The following MAP3K9 variants were observed in gnomAD, a reference collection of about 807,000 sequenced individuals.
MAP3K9 encodes mixed lineage kinase 1 (tyr and ser/thr specificity).
Under a neutral mutation model 95.8 loss-of-function variants are expected in MAP3K9, and 46 were observed. The ratio of observed to expected loss-of-function variants is 0.48; its 90% CI spans 0.38 to 0.61. The LOEUF (loss-of-function observed/expected upper bound fraction) is 0.61, where lower values mean the gene tolerates loss of function less well. Ranked by LOEUF, MAP3K9 falls within the 20% of genes least tolerant of loss-of-function variation. MAP3K9 has a pLI of 0.00. For missense variants in MAP3K9, 1,296 were observed against 1,474.3 expected (o/e 0.88, Z 1.98); for synonymous variants, 533 against 593.8 (o/e 0.90, Z 1.49).
At position 70,742,379 on chromosome 14, in the gene MAP3K9, C is replaced by A; in HGVS notation, c.1539G>T (p.Lys513Asn). The A allele has an allele frequency of 6.2e-7, 1 of 1,614,202 alleles. No individual in the cohort carries two copies. Among genetic ancestry groups the A allele is most frequent in the Non-Finnish European group, 8.5e-7 (1 of 1,180,022 alleles). ...AAGGGAGGCTGATGCGGTTGCCATC[C>A]TTGAGCTTCAGCCGGCTCTTCCTGA... The part of the protein sequence containing the change: ...GKFRKSRLKL[K>N]DGNRISLPSD... Residue 513 changes from lysine (K) to asparagine (N), a missense_variant, in exon 6 of 12, where the codon AAG becomes AAT. Transcript: ENST00000554752.
At chr14:70,793,881 C>T (rs1398313689) in intron 2 of MAP3K9, among the ~76,000 whole-genome samples, 1 of 152,184 alleles carries the variant, frequency 6.6e-6, no homozygotes, top group Non-Finnish European at 1.5e-5. Context: ...GAATGCCTAC[C>T]AGTGCTTTAA....
At position 70,732,583 on chromosome 14, in the gene MAP3K9, C is replaced by A. The variant is rs1044774428; in HGVS notation, c.2786G>T (p.Ser929Ile). 4 of 1,601,504 alleles carry A rather than the reference C, an allele frequency of 2.5e-6. No individual in the cohort carries two copies. Among genetic ancestry groups the A allele is most frequent in the Non-Finnish European group, 3.4e-6 (4 of 1,173,052 alleles). ...CAACCCATTGCTGGAGGGGCTCCTG[C>A]TGGCTAGGAGAGTCTCTGGCTTAAG... ...GALKPETLLA[S>I]RSPSSNGLSP... is the part of the protein sequence containing the mutation. Residue 929 changes from serine (S) to isoleucine (I), a missense_variant, in exon 11 of 12, where the codon AGC becomes ATC. Physicochemically the swap from Ser to Ile is moderately radical, Grantham distance 142. Transcript: ENST00000554752.
intron 2 of MAP3K9, among the ~76,000 whole-genome samples, chr14:70,797,077 A>G (rs536067018): frequency 5.3e-4 from 81 of 152,348 alleles, no homozygotes; most frequent in Non-Finnish European, 8.8e-4. Context: ...AAACATTTTA[A>G]TAAGACACTT....
Position 70,807,298 on chromosome 14 carries a change from T to G in MAP3K9, c.406+1468A>C, listed in dbSNP as rs550009609. 1.2e-3 allele frequency among the ~76,000 whole-genome samples: 176 copies of G among 152,268 alleles called. 1 individual carries two copies. The highest frequency in any genetic ancestry group is 3.8e-3 in the African/African-American group (159 of 41,564). On this transcript the variant is annotated intron_variant, in intron 1 of 11. Transcript: ENST00000554752. ...TTGAGGTCAGGAGTTCGAGACCAGT[T>G]TGGCCAATATGGTGAACCTCATCTC... is the stretch of plus-strand genomic sequence containing the variant.
chr14:70,764,415 A>C (rs2054420491), intron 2 of MAP3K9, among the ~76,000 whole-genome samples: 1 of 150,392 alleles, frequency 6.6e-6, no homozygotes. Flanking sequence ...AAAAAGTTTA[A>C]AATGTAAAAA....
rs563725068 is a variant in MAP3K9, at chr14:70,723,781, C to G, written c.*6599G>C. ...GAATCACTAGGACAGCACCGCCCCC[C>G]ACGTGGAAAAAAATTAATGATTTCT... On this transcript the variant is annotated 3_prime_UTR_variant, in exon 12 of 12. Transcript: ENST00000554752. 2 of 152,086 alleles carry G rather than the reference C, an allele frequency of 1.3e-5. No homozygotes were observed. Among genetic ancestry groups the G allele is most frequent in the Non-Finnish European group, 2.9e-5 (2 of 68,026 alleles). The allele number at this position is 152,086 out of a possible 1,614,324, so 9.4% of individuals were successfully genotyped here.
chr14:70,779,324 A>C (rs35438375), intron 2 of MAP3K9, among the ~76,000 whole-genome samples: 78,321 of 152,106 alleles, frequency 0.51, 20,242 homozygotes, highest in South Asian at 0.63. Flanking sequence ...ATTAAACTGA[A>C]AAAGCAACAG....
At chr14:70,779,206 T>C (rs1473269778) in intron 2 of MAP3K9, among the ~76,000 whole-genome samples, 1 of 152,224 alleles carries the variant, frequency 6.6e-6, no homozygotes, top group Non-Finnish European at 1.5e-5. Flanking sequence ...CTACAGACCC[T>C]GCCAAGGAAC....
At chr14:70,750,196 T>A in intron 3 of MAP3K9, 115 bp from the exon 4 acceptor site, 1 of 955,950 alleles carries the variant, frequency 1.0e-6, no homozygotes, top group Non-Finnish European at 1.6e-6. Context: ...GTGAGACTAA[T>A]GAAACAGAAA....
chr14:70,754,390 A>G (rs531329888), intron 3 of MAP3K9, among the ~76,000 whole-genome samples: 2 of 152,288 alleles, frequency 1.3e-5, no homozygotes, highest in South Asian at 2.1e-4. Context: ...CATTATCTCT[A>G]TAAGTGGGTT....
intron 5 of MAP3K9, among the ~76,000 whole-genome samples, chr14:70,745,555 T>G (rs1032907900): frequency 6.6e-6 from 1 of 152,064 alleles, no homozygotes; most frequent in African/African-American, 2.4e-5. Flanking sequence ...CTGGCCATGA[T>G]AGTGAAACCC....
intron 2 of MAP3K9, among the ~76,000 whole-genome samples, chr14:70,763,341 T>C (rs563566846): frequency 6.6e-6 from 1 of 152,292 alleles, no homozygotes; most frequent in South Asian, 2.1e-4. Flanking sequence ...GGCTAAAAAC[T>C]TCCTATCACC....
intron 2 of MAP3K9, among the ~76,000 whole-genome samples, chr14:70,777,761 C>G (rs548964008): frequency 6.6e-6 from 1 of 152,316 alleles, no homozygotes; most frequent in East Asian, 1.9e-4. Context: ...CAGTGTCCAC[C>G]TAGTTCTCTG....
chr14:70,740,129 T>C lies in MAP3K9; in HGVS notation c.1603A>G (p.Thr535Ala). Residue 535 changes from threonine to alanine, a missense_variant, in exon 7 of 12, where the codon ACC becomes GCC. Physicochemically the swap from Thr to Ala is moderately conservative, Grantham distance 58 (BLOSUM62 0). Transcript: ENST00000554752. Reference protein sequence around the residue: ...QHKFTVQASPTMDKRKSLINS... With the variant: ...QHKFTVQASPAMDKRKSLINS... ...ATAAGACTCTTCCTTTTATCCATGG[T>C]AGGGGAGGCCTGCACCGTGAACTTG... 7 of 1,614,096 alleles carry C rather than the reference T, an allele frequency of 4.3e-6. No homozygotes were observed. The highest frequency in any genetic ancestry group is 1.1e-5 in the South Asian group (1 of 91,072).
rs144509926 is a variant in MAP3K9 at position 70,800,611 on chromosome 14, G to T, written c.820+56C>A. The T allele has an allele frequency of 1.1e-4, 173 of 1,552,708 alleles. No homozygotes were observed. The Middle Eastern group carries it at 1.3e-3, about 12-fold the overall frequency. ...TTAGAAGTCCACTCCTACTGACGTCGTGGGATACAACTGCAACTGCTCTGA... is the reference window on the plus strand; with the variant it reads ...TTAGAAGTCCACTCCTACTGACGTCTTGGGATACAACTGCAACTGCTCTGA... On this transcript the variant is annotated intron_variant, in intron 2 of 11. Transcript: ENST00000554752.
rs1367105243 is a variant in MAP3K9 at position 70,729,524 on chromosome 14, C to G, written c.*856G>C. 6.6e-6 allele frequency: 1 copy of G among 152,218 alleles called. No homozygotes were observed. Among genetic ancestry groups the G allele is most frequent in the Non-Finnish European group, 1.5e-5 (1 of 68,058 alleles). 9.4% of individuals were successfully genotyped at this position (152,218 alleles called of 1,614,324 possible). ...TGAGTGAGTCCCCCAAGAAACTATT[C>G]CTGGGATGAGCAGATGATTGTATCC... On this transcript the variant is annotated 3_prime_UTR_variant, in exon 12 of 12. Transcript: ENST00000554752.
At position 70,800,934 on chromosome 14, in the gene MAP3K9, T is replaced by C. The variant is rs1199135635; in HGVS notation, c.553A>G (p.Ile185Val). Residue 185 changes from isoleucine to valine, a missense_variant, in exon 2 of 12, where the codon ATA (isoleucine) becomes GTA (valine). Transcript: ENST00000554752. ...HDPDEDISQT[I>V]ENVRQEAKLF... ...TTGGCCTCTTGGCGAACATTCTCTATGGTCTGGCTGATGTCCTCATCAGGG... is the reference window on the plus strand; with the variant it reads ...TTGGCCTCTTGGCGAACATTCTCTACGGTCTGGCTGATGTCCTCATCAGGG... 7 of 1,614,092 alleles carry C rather than the reference T, an allele frequency of 4.3e-6. No individual in the cohort carries two copies. Among genetic ancestry groups the C allele is most frequent in the South Asian group, 1.1e-5 (1 of 91,086 alleles).
intron 3 of MAP3K9, among the ~76,000 whole-genome samples, chr14:70,757,209 C>T (rs1231664817): frequency 6.6e-6 from 1 of 152,128 alleles, no homozygotes; most frequent in East Asian, 1.9e-4. Flanking sequence ...CAGTGGCTCA[C>T]ATCTCTAATC....
At chr14:70,796,497 C>T (rs1453369009) in intron 2 of MAP3K9, among the ~76,000 whole-genome samples, 1 of 152,166 alleles carries the variant, frequency 6.6e-6, no homozygotes, top group Non-Finnish European at 1.5e-5. Context: ...AATTCCTTAG[C>T]GGCAATGCCC....
Sources: gnomAD v4.1 joint callset for allele counts (sites outside exome capture counted in the v4.1 genomes callset) on GRCh38, gnomAD v4.1.1 for gene constraint, MANE v1.5 for transcripts, NCBI Gene and HGNC (gene_info 2026-07-23, HGNC 2026-07-21) for gene names.